Variants in LUZP2 observed in about 807,000 individuals in gnomAD.
LUZP2 encodes leucine zipper protein 2.
LUZP2 carries 52 observed loss-of-function variants against 51.6 expected under a neutral mutation model. That is an observed-to-expected ratio of 1.01 (90% confidence interval 0.81 to 1.27). The LOEUF (loss-of-function observed/expected upper bound fraction) is 1.27, where lower values mean the gene tolerates loss of function less well. LUZP2 is among the 50% of genes most tolerant of loss of function. The pLI, the probability that LUZP2 is intolerant of heterozygous loss-of-function variation, is 0.00. For synonymous variants in LUZP2, 154 were observed against 137.3 expected (o/e 1.12, Z -0.85); for missense variants, 436 against 395.4 (o/e 1.10, Z -0.87).
rs754592898 is a variant in LUZP2 at position 24,991,336 on chromosome 11, A to ATG, written c.765+8044_765+8045insGT. 4.1e-5 allele frequency among the ~76,000 whole-genome samples: 4 copies of ATG among 97,906 alleles called. No homozygotes were observed. In the South Asian group the frequency reaches 1.1e-3, roughly 27 times the overall value. 64.2% of individuals were successfully genotyped at this position (97,906 alleles called of 152,430 possible). On this transcript the variant is annotated intron_variant, in intron 9 of 11. Transcript: ENST00000336930. The stretch of plus-strand genomic sequence containing the variant: ...ATGGCTGAGTAGTATTCCATCATAT[A>ATG]TATGTGTGTGTGTGTATATATATAT...
chr11:24,786,218 G>T lies in LUZP2; in HGVS notation c.396+22910G>T, dbSNP rs1849241265. 4.1e-6 allele frequency: 4 copies of T among 965,422 alleles called. No homozygotes were observed. In the Admixed American group the frequency reaches 1.9e-4, roughly 45 times the overall value. 59.8% of individuals were successfully genotyped at this position (965,422 alleles called of 1,614,324 possible). On this transcript the variant is annotated intron_variant, in intron 5 of 11. Coordinates refer to ENST00000336930, the MANE Select transcript of LUZP2 (RefSeq NM_001009909.4). ...ATATTTTATAATTTTATATTTTTAG[G>T]TTAACTTAATTTCCCATCGTAATTG... is the stretch of plus-strand genomic sequence containing the variant.
chr11:24,879,224 G>C (rs374633676), intron 5 of LUZP2, among the ~76,000 whole-genome samples: 1 of 152,106 alleles, frequency 6.6e-6, no homozygotes, highest in Non-Finnish European at 1.5e-5. Context: ...GATTACAGGC[G>C]TGAGGCACCC....
At chr11:24,552,587 A>G (rs1851752322) in intron 1 of LUZP2, among the ~76,000 whole-genome samples, 1 of 152,060 alleles carries the variant, frequency 6.6e-6, no homozygotes, top group African/African-American at 2.4e-5. Context: ...AAACTATAAG[A>G]ACTACTAAAT....
chr11:24,831,259 G>C (rs1375197344), intron 5 of LUZP2, among the ~76,000 whole-genome samples: 1 of 152,196 alleles, frequency 6.6e-6, no homozygotes, highest in Non-Finnish European at 1.5e-5. Context: ...TCTAGCTCAT[G>C]ATTTAAGCTC....
chr11:25,008,050 T>C (rs947726356), intron 9 of LUZP2, among the ~76,000 whole-genome samples: 21 of 152,198 alleles, frequency 1.4e-4, no homozygotes, highest in African/African-American at 5.1e-4. Context: ...CACAGGATCC[T>C]TTCGGTGCCA....
intron 1 of LUZP2, among the ~76,000 whole-genome samples, chr11:24,604,723 G>A (rs867680823): frequency 6.6e-6 from 1 of 151,636 alleles, no homozygotes; most frequent in East Asian, 1.9e-4. Flanking sequence ...GAAATGAAGC[G>A]AACAAGGAGT....
chr11:24,602,498 T>G (rs1257541129), intron 1 of LUZP2, among the ~76,000 whole-genome samples: 1 of 150,452 alleles, frequency 6.6e-6, no homozygotes, highest in South Asian at 2.1e-4. Context: ...TTGGACCTAA[T>G]CTGAATAAAT....
chr11:24,640,529 T>C (rs551869307), intron 1 of LUZP2, among the ~76,000 whole-genome samples: 2 of 152,092 alleles, frequency 1.3e-5, no homozygotes, highest in East Asian at 3.9e-4. Context: ...ATGACTTTTT[T>C]CTGTCTATAA....
chr11:24,921,299 G>A (rs1470614549), intron 7 of LUZP2, among the ~76,000 whole-genome samples: 2 of 152,150 alleles, frequency 1.3e-5, no homozygotes, highest in Non-Finnish European at 2.9e-5. Flanking sequence ...TGTTTTGTTT[G>A]CACAGGGCCC....
intron 1 of LUZP2, among the ~76,000 whole-genome samples, chr11:24,601,878 A>ATGTATATATG (rs1853652600): frequency 4.2e-4 from 5 of 11,966 alleles, no homozygotes; most frequent in Admixed American, 1.3e-3. Context: ...ATATGTATAC[A>ATGTATATATG]TGTATATATG....
At chr11:24,953,313 C>A (rs1855128011) in intron 7 of LUZP2, among the ~76,000 whole-genome samples, 1 of 151,750 alleles carries the variant, frequency 6.6e-6, no homozygotes, top group South Asian at 2.1e-4. Context: ...GCACAAATAG[C>A]CCTAGGGGAC....
rs778781177 is a variant in LUZP2 at position 24,608,167 on chromosome 11, G to A, written c.62+110862G>A. 2.8e-4 allele frequency among the ~76,000 whole-genome samples: 43 copies of A among 152,058 alleles called. No homozygotes were observed. In the Middle Eastern group the frequency reaches 0.01, roughly 36 times the overall value. On this transcript the variant is annotated intron_variant, in intron 1 of 11. Transcript: ENST00000336930. ...CCCGGCATCTATTTTATTTAATAGA[G>A]GTATTAAGGGTACAGCCAGCAAAGA...
At chr11:25,019,947 C>G (rs1173219878) in intron 9 of LUZP2, among the ~76,000 whole-genome samples, 1 of 151,974 alleles carries the variant, frequency 6.6e-6, no homozygotes, top group Non-Finnish European at 1.5e-5. Context: ...TTAAAAATGA[C>G]TCCAGATTTT....
chr11:25,030,626 C>A (rs1413097402), intron 9 of LUZP2, among the ~76,000 whole-genome samples: 1 of 151,484 alleles, frequency 6.6e-6, no homozygotes, highest in Non-Finnish European at 1.5e-5. Flanking sequence ...TCTGCTATAG[C>A]ATTGTAGCTC....
At chr11:24,513,336 T>C (rs1424450361) in intron 1 of LUZP2, among the ~76,000 whole-genome samples, 1 of 152,206 alleles carries the variant, frequency 6.6e-6, no homozygotes, top group Non-Finnish European at 1.5e-5. Flanking sequence ...AAAGAAAAGC[T>C]ACAGAGTCAT....
intron 1 of LUZP2, among the ~76,000 whole-genome samples, chr11:24,531,354 A>C (rs185845751): frequency 6.6e-6 from 1 of 150,998 alleles, no homozygotes; most frequent in East Asian, 1.9e-4. Context: ...GTGATATTTC[A>C]ATATATGAAT....
chr11:25,019,331 T>C (rs1490207006), intron 9 of LUZP2, among the ~76,000 whole-genome samples: 8 of 152,288 alleles, frequency 5.3e-5, no homozygotes, highest in African/African-American at 1.9e-4. Context: ...GTAAACAGAA[T>C]CATAGAAATA....
intron 1 of LUZP2, among the ~76,000 whole-genome samples, chr11:24,685,565 C>G (rs988485221): frequency 6.6e-6 from 1 of 150,690 alleles, no homozygotes; most frequent in Non-Finnish European, 1.5e-5. Flanking sequence ...CACACTGTTA[C>G]TAATATCAAA....
chr11:24,735,189 T>C (rs537291047), intron 3 of LUZP2, among the ~76,000 whole-genome samples: 8 of 151,964 alleles, frequency 5.3e-5, no homozygotes, highest in African/African-American at 1.9e-4. Flanking sequence ...GAAAGGAGTG[T>C]GTTTGCATGT....
Sources: allele counts gnomAD v4.1 joint callset (sites outside exome capture counted in the v4.1 genomes callset), GRCh38; gene constraint gnomAD v4.1.1; transcripts MANE v1.5; gene names NCBI Gene and HGNC (gene_info 2026-07-23, HGNC 2026-07-21).